UBE2W: variants seen among roughly 807,000 people sequenced by gnomAD.
UBE2W encodes ubiquitin-conjugating enzyme E2 W.
A neutral mutation model predicts 27.2 loss-of-function variants in UBE2W; 18 were observed. The ratio of observed to expected loss-of-function variants is 0.66; its 90% CI spans 0.46 to 0.98. The LOEUF is 0.98. Ranked by LOEUF, UBE2W falls within the 50% of genes least tolerant of loss-of-function variation. The pLI, the probability that UBE2W is intolerant of heterozygous loss-of-function variation, is 0.00. For missense variants in UBE2W, 90 were observed against 180.2 expected, an observed-to-expected ratio of 0.50 and a Z score of 2.87; for synonymous variants, 53 against 57.2, an observed-to-expected ratio of 0.93 and a Z score of 0.33.
intron 5 of UBE2W, among the ~76,000 whole-genome samples, chr8:73,802,827 T>C (rs1808702824): frequency 6.6e-6 from 1 of 152,010 alleles, no homozygotes; most frequent in Admixed American, 6.6e-5. Flanking sequence ...ATCAAGACCA[T>C]CCTGGCTAAC....
rs1345020350 is a variant in UBE2W at position 73,788,211 on chromosome 8, T to C, written c.*5891A>G. The C allele has an allele frequency of 3.2e-6, 3 of 941,276 alleles. No individual in the cohort carries two copies. Among genetic ancestry groups the C allele is most frequent in the South Asian group, 4.9e-5 (1 of 20,352 alleles). The allele number at this position is 941,276 out of a possible 1,614,324, so 58.3% of individuals were successfully genotyped here. On this transcript the variant is annotated 3_prime_UTR_variant, in exon 6 of 6. Transcript: ENST00000602593. The stretch of plus-strand genomic sequence containing the variant: ...GCATTCAACTAACAAGTCTGATACA[T>C]GTATTAAAAAATATATAACATAGAT...
chr8:73,859,671 T>G (rs1390789541), intron 1 of UBE2W, among the ~76,000 whole-genome samples: 1 of 152,168 alleles, frequency 6.6e-6, no homozygotes, highest in Non-Finnish European at 1.5e-5. Context: ...TACTTAAGTT[T>G]TTGGGAAGTA....
chr8:73,878,262 A>G (rs898783779), intron 1 of UBE2W, among the ~76,000 whole-genome samples: 1 of 152,310 alleles, frequency 6.6e-6, no homozygotes, highest in East Asian at 1.9e-4. Flanking sequence ...AGGGAAGAAG[A>G]GAGGGACGGG....
At chr8:73,846,837 AT>A (rs1334167406) in intron 1 of UBE2W, among the ~76,000 whole-genome samples, 1 of 152,254 alleles carries the variant, frequency 6.6e-6, no homozygotes, top group Non-Finnish European at 1.5e-5. Context: ...TATAATAAGT[AT>A]GTTAAATTAG....
intron 1 of UBE2W, among the ~76,000 whole-genome samples, chr8:73,853,359 G>T (rs1023528029): frequency 6.6e-6 from 1 of 152,174 alleles, no homozygotes; most frequent in Non-Finnish European, 1.5e-5. Flanking sequence ...TACAATCATA[G>T]CTCCCTGCAA....
chr8:73,782,453 T>C (rs1428346278), downstream of UBE2W, among the ~76,000 whole-genome samples: 1 of 152,182 alleles, frequency 6.6e-6, no homozygotes, highest in Non-Finnish European at 1.5e-5. Flanking sequence ...TCTGATTCTG[T>C]CACTGTAACT....
intron 3 of UBE2W, among the ~76,000 whole-genome samples, chr8:73,813,083 C>CCAAAAA (rs746004874): frequency 2.3e-5 from 1 of 43,430 alleles, no homozygotes; most frequent in Non-Finnish European, 4.1e-5. Flanking sequence ...GAAAGTGCCA[C>CCAAAAA]AAAAAAAAAA....
rs113947258 is a variant in UBE2W, at chr8:73,803,936, T to G, written c.442+1715A>C. Among the ~76,000 whole-genome samples, 3 of 150,080 alleles carry G rather than the reference T, an allele frequency of 2.0e-5. No individual in the cohort carries two copies. In the East Asian group the frequency reaches 5.9e-4, roughly 29 times the overall value. On this transcript the variant is annotated intron_variant, in intron 5 of 5. Transcript: ENST00000602593. Reference sequence around the variant, plus strand: ...CGCCTGCCACCACGCCCGGCTAATTTTTTGTATTTTTAGTAGAGACAGGGT... The same window carrying G: ...CGCCTGCCACCACGCCCGGCTAATTGTTTGTATTTTTAGTAGAGACAGGGT...
chr8:73,818,384 T>G (rs1172090745), intron 3 of UBE2W, among the ~76,000 whole-genome samples: 1 of 152,196 alleles, frequency 6.6e-6, no homozygotes, highest in Non-Finnish European at 1.5e-5. Context: ...CTGATCTCCC[T>G]GCACCTTTAT....
chr8:73,852,161 T>G (rs1811109772), intron 1 of UBE2W, among the ~76,000 whole-genome samples: 1 of 152,004 alleles, frequency 6.6e-6, no homozygotes, highest in African/African-American at 2.4e-5. Flanking sequence ...CAGTTCAAGT[T>G]CCCTGTGAAC....
At chr8:73,835,509 G>C (rs1412682074) in intron 1 of UBE2W, among the ~76,000 whole-genome samples, 1 of 152,190 alleles carries the variant, frequency 6.6e-6, no homozygotes, top group South Asian at 2.1e-4. Flanking sequence ...TTGGGAGGCC[G>C]AGGTGGGTGA....
At chr8:73,831,751 TCTCA>T (rs1810074191) in intron 1 of UBE2W, 1 of 149,894 alleles carries the variant, frequency 6.7e-6, no homozygotes, top group African/African-American at 2.5e-5. Context: ...AGAGACAGGG[TCTCA>T]CTATGTTGCA....
At chr8:73,784,909 A>G (rs1236915101), downstream of UBE2W, among the ~76,000 whole-genome samples, 1 of 151,956 alleles carries the variant, frequency 6.6e-6, no homozygotes, top group African/African-American at 2.4e-5. Flanking sequence ...GACAAAAGCA[A>G]CTCTTAGTTG....
At chr8:73,850,915 A>C (rs1003160821) in intron 1 of UBE2W, among the ~76,000 whole-genome samples, 1 of 151,998 alleles carries the variant, frequency 6.6e-6, no homozygotes, top group African/African-American at 2.4e-5. Context: ...GCTGGAGTAC[A>C]GTGGCGCAAT....
chr8:73,872,078 G>A, intron 1 of UBE2W, among the ~76,000 whole-genome samples: 1 of 152,062 alleles, frequency 6.6e-6, no homozygotes, highest in Non-Finnish European at 1.5e-5. Flanking sequence ...CCCACGCTGG[G>A]ATCATCCCAC....
At chr8:73,878,560 A>G (rs1046061123) in intron 1 of UBE2W, among the ~76,000 whole-genome samples, 47 of 151,626 alleles carry the variant, frequency 3.1e-4, no homozygotes, top group Non-Finnish European at 2.1e-4. Flanking sequence ...TTCTTCCCCA[A>G]CCCTCCTTTA....
intron 1 of UBE2W, among the ~76,000 whole-genome samples, chr8:73,857,208 G>A (rs1297672147): frequency 6.6e-6 from 1 of 151,936 alleles, no homozygotes; most frequent in Admixed American, 6.6e-5. Flanking sequence ...CATACTAGGT[G>A]GAAACTTGTA....
intron 3 of UBE2W, among the ~76,000 whole-genome samples, chr8:73,812,373 T>C (rs565165550): frequency 6.6e-6 from 1 of 152,340 alleles, no homozygotes. Context: ...CAATTACATC[T>C]ATCGGTGCTA....
At chr8:73,829,843 GT>G (rs562604035) in intron 2 of UBE2W, among the ~76,000 whole-genome samples, 1 of 151,722 alleles carries the variant, frequency 6.6e-6, no homozygotes, top group Non-Finnish European at 1.5e-5. Context: ...CTTTTTAGAG[GT>G]TTTTTTTAAG....
Sources: gnomAD v4.1 joint callset for allele counts (sites outside exome capture counted in the v4.1 genomes callset) on GRCh38, gnomAD v4.1.1 for gene constraint, MANE v1.5 for transcripts, NCBI Gene and HGNC (gene_info 2026-07-23, HGNC 2026-07-21) for gene names.